The following LRGUK variants were observed in gnomAD, a reference collection of about 807,000 sequenced individuals.
LRGUK encodes leucine rich repeats and guanylate kinase domain containing.
Under a neutral mutation model 76.0 loss-of-function variants are expected in LRGUK, and 65 were observed. The observed-to-expected ratio is 0.85, with a 90% CI of 0.70 to 1.05. The LOEUF (loss-of-function observed/expected upper bound fraction) is 1.05, where lower values mean the gene tolerates loss of function less well. Among genes scored for constraint, LRGUK ranks in the 50% least tolerant of loss-of-function variants. The pLI is 0.00. For missense variants in LRGUK, 758 were observed against 732.8 expected (o/e 1.03, Z -0.40); for synonymous variants, 268 against 265.6 (o/e 1.01, Z -0.09).
At chr7:134,138,334 C>T (rs1481383878) in intron 2 of LRGUK, among the ~76,000 whole-genome samples, 4 of 152,144 alleles carry the variant, frequency 2.6e-5, no homozygotes, top group South Asian at 2.1e-4. Context: ...AGATATTACA[C>T]GTTGAATTAC....
At chr7:134,240,946 C>A (rs925286271) in intron 16 of LRGUK, among the ~76,000 whole-genome samples, 1 of 152,128 alleles carries the variant, frequency 6.6e-6, no homozygotes, top group Admixed American at 6.5e-5. Flanking sequence ...TCATATCCAG[C>A]CAAACTAAGC....
At chr7:134,177,462 A>C (rs1207376033) in intron 9 of LRGUK, among the ~76,000 whole-genome samples, 1 of 152,192 alleles carries the variant, frequency 6.6e-6, no homozygotes, top group Non-Finnish European at 1.5e-5. Flanking sequence ...TCACTCTACC[A>C]TATAATCAAA....
At chr7:134,217,910 AT>A (rs1473058144) in intron 15 of LRGUK, among the ~76,000 whole-genome samples, 1 of 151,480 alleles carries the variant, frequency 6.6e-6, no homozygotes, top group Non-Finnish European at 1.5e-5. Context: ...TATTCTTGTT[AT>A]TTTTTCCTTT....
chr7:134,203,798 G>A (rs1186027426), intron 15 of LRGUK, among the ~76,000 whole-genome samples: 2 of 152,186 alleles, frequency 1.3e-5, no homozygotes, highest in African/African-American at 4.8e-5. Flanking sequence ...TCTTTAGAAA[G>A]CCATCTCTAT....
At chr7:134,181,872 C>G (rs1334347281) in intron 10 of LRGUK, among the ~76,000 whole-genome samples, 1 of 152,132 alleles carries the variant, frequency 6.6e-6, no homozygotes, top group East Asian at 1.9e-4. Flanking sequence ...GCTCTTTTGT[C>G]TTTAGTTCTA....
At chr7:134,257,885 A>G (rs1038220999) in intron 18 of LRGUK, among the ~76,000 whole-genome samples, 2 of 152,052 alleles carry the variant, frequency 1.3e-5, no homozygotes, top group Non-Finnish European at 2.9e-5. Flanking sequence ...GCCACCTACC[A>G]TGGTTTTGTT....
downstream of LRGUK, among the ~76,000 whole-genome samples, chr7:134,213,711 C>A (rs1218719756): frequency 6.6e-6 from 1 of 152,086 alleles, no homozygotes; most frequent in Non-Finnish European, 1.5e-5. Context: ...CCTAATGTCT[C>A]AGATTCAGTG....
chr7:134,131,455 G>C (rs896426333), intron 1 of LRGUK, among the ~76,000 whole-genome samples: 3 of 152,220 alleles, frequency 2.0e-5, no homozygotes, highest in African/African-American at 2.4e-5. Flanking sequence ...GGATTGCAGG[G>C]ACATGGAAGA....
chr7:134,135,211 T>C (rs903953030), intron 1 of LRGUK, among the ~76,000 whole-genome samples: 1 of 152,170 alleles, frequency 6.6e-6, no homozygotes, highest in African/African-American at 2.4e-5. Context: ...GGAAAGTAAA[T>C]GCTTTTTAGG....
At chr7:134,206,950 G>T (rs1801034972) in intron 15 of LRGUK, among the ~76,000 whole-genome samples, 1 of 152,158 alleles carries the variant, frequency 6.6e-6, no homozygotes, top group South Asian at 2.1e-4. Context: ...CAGTTGACTA[G>T]TCCGTAAAGT....
At chr7:134,249,496 C>T (rs1179181689) in intron 18 of LRGUK, among the ~76,000 whole-genome samples, 1 of 152,162 alleles carries the variant, frequency 6.6e-6, no homozygotes, top group Non-Finnish European at 1.5e-5. Context: ...ATTTTAAGGC[C>T]AGGTTCTCTA....
At chr7:134,246,288 T>C (rs953156506) in intron 16 of LRGUK, among the ~76,000 whole-genome samples, 3 of 152,220 alleles carry the variant, frequency 2.0e-5, no homozygotes, top group African/African-American at 7.2e-5. Context: ...CTAAAGTCTG[T>C]GTGCTGTGTG....
At chr7:134,181,177 T>G (rs1009253654) in intron 10 of LRGUK, among the ~76,000 whole-genome samples, 7 of 152,206 alleles carry the variant, frequency 4.6e-5, no homozygotes, top group Non-Finnish European at 1.0e-4. Flanking sequence ...TGTTTTCTAG[T>G]ATTTTCCTTA....
rs548709667 is a variant in LRGUK at position 134,264,010 on chromosome 7, C to T, written c.*35C>T. 5.9e-5 allele frequency: 94 copies of T among 1,580,390 alleles called. No individual in the cohort carries two copies. In the East Asian group the frequency reaches 6.7e-4, roughly 11 times the overall value. On this transcript the variant is annotated 3_prime_UTR_variant, in exon 20 of 20. Transcript: ENST00000285928. Reference sequence around the variant, plus strand: ...TGATGTCTGATCCTAACATGGAAAACCTGCTCTGCTGATGTCGAATTCCTT... The same window carrying T: ...TGATGTCTGATCCTAACATGGAAAATCTGCTCTGCTGATGTCGAATTCCTT...
At position 134,174,670 on chromosome 7, in the gene LRGUK, A is replaced by C. The variant is rs749344487; in HGVS notation, c.1020+34A>C. 8.1e-6 allele frequency: 10 copies of C among 1,229,340 alleles called. No individual in the cohort carries two copies. In the South Asian group the frequency reaches 1.2e-4, roughly 15 times the overall value. 76.2% of individuals were successfully genotyped at this position (1,229,340 alleles called of 1,614,324 possible). On this transcript the variant is annotated intron_variant, in intron 8 of 15. Transcript: ENST00000645682. ...TTATTTATATCAGGGAGGGAGACAG[A>C]GAAGAAAGTGGGATGGTGGAGGGAA...
chr7:134,248,606 A>G (rs1450115464), intron 17 of LRGUK, among the ~76,000 whole-genome samples: 1 of 152,202 alleles, frequency 6.6e-6, no homozygotes, highest in Non-Finnish European at 1.5e-5. Context: ...ATAAAGTTGG[A>G]AAACACCTAT....
intron 16 of LRGUK, among the ~76,000 whole-genome samples, chr7:134,232,228 A>G (rs556102202): frequency 6.6e-6 from 1 of 152,260 alleles, no homozygotes; most frequent in South Asian, 2.1e-4. Context: ...GGCTAATGGA[A>G]TGTGGAAATC....
At chr7:134,227,425 G>A (rs1198448208) in intron 16 of LRGUK, among the ~76,000 whole-genome samples, 5 of 152,086 alleles carry the variant, frequency 3.3e-5, no homozygotes, top group African/African-American at 1.2e-4. Flanking sequence ...GATGTCCCTA[G>A]GTCCATGGCA....
chr7:134,192,703 T>G (rs982113180), intron 12 of LRGUK, among the ~76,000 whole-genome samples: 22 of 152,244 alleles, frequency 1.4e-4, no homozygotes, highest in African/African-American at 5.3e-4. Context: ...CATATTTTCA[T>G]CACGACCAAT....
Sources: gnomAD v4.1 joint callset for allele counts (sites outside exome capture counted in the v4.1 genomes callset) on GRCh38, gnomAD v4.1.1 for gene constraint, MANE v1.5 for transcripts, NCBI Gene and HGNC (gene_info 2026-07-23, HGNC 2026-07-21) for gene names.